Variants in REEP1 observed in about 807,000 individuals in gnomAD.
The protein encoded by REEP1 is receptor accessory protein 1.
REEP1 carries 22 observed loss-of-function variants against 40.3 expected under a neutral mutation model. The ratio of observed to expected loss-of-function variants is 0.55; its 90% CI spans 0.39 to 0.78. REEP1 has a LOEUF of 0.78. REEP1 is among the 30% of genes least tolerant of loss of function. The pLI, the probability that REEP1 is intolerant of heterozygous loss-of-function variation, is 0.00. For synonymous variants in REEP1, 116 were observed against 139.2 expected, an observed-to-expected ratio of 0.83 and a Z score of 1.17; for missense variants, 280 against 361.1, an observed-to-expected ratio of 0.78 and a Z score of 1.82.
At chr2:86,289,292 T>C (rs1678570964) in intron 1 of REEP1, among the ~76,000 whole-genome samples, 1 of 152,206 alleles carries the variant, frequency 6.6e-6, no homozygotes, top group South Asian at 2.1e-4. Flanking sequence ...CCCATCCCAC[T>C]GATTTGCAGT....
chr2:86,245,021 C>T (rs1342941886), intron 5 of REEP1, among the ~76,000 whole-genome samples: 1 of 152,162 alleles, frequency 6.6e-6, no homozygotes, highest in East Asian at 1.9e-4. Flanking sequence ...GGGCAGGCAC[C>T]TGTAATCCCA....
chr2:86,314,617 C>A (rs1378088951), intron 1 of REEP1, among the ~76,000 whole-genome samples: 6 of 151,686 alleles, frequency 4.0e-5, no homozygotes, highest in African/African-American at 1.5e-4. Flanking sequence ...AACGGACCAG[C>A]CAATTCTGCA....
intron 1 of REEP1, among the ~76,000 whole-genome samples, chr2:86,333,841 T>C (rs1680882178): frequency 6.6e-6 from 1 of 152,258 alleles, no homozygotes; most frequent in Non-Finnish European, 1.5e-5. Flanking sequence ...AACCTGGTTC[T>C]GAGTGCTATT....
chr2:86,268,568 T>C (rs187295673), intron 2 of REEP1, among the ~76,000 whole-genome samples: 2 of 152,196 alleles, frequency 1.3e-5, no homozygotes, highest in Non-Finnish European at 2.9e-5. Context: ...ACTTGATCTA[T>C]AGATTCAATG....
chr2:86,297,949 G>A (rs1269461051), intron 1 of REEP1, among the ~76,000 whole-genome samples: 1 of 152,212 alleles, frequency 6.6e-6, no homozygotes, highest in Admixed American at 6.5e-5. Flanking sequence ...AAAAACTTCA[G>A]CACCATATAG....
chr2:86,265,441 T>A (rs917718407), intron 2 of REEP1, among the ~76,000 whole-genome samples: 6 of 152,052 alleles, frequency 3.9e-5, no homozygotes, highest in African/African-American at 1.4e-4. Context: ...TGCCACAGGG[T>A]CAAGGTGATC....
intron 1 of REEP1, among the ~76,000 whole-genome samples, chr2:86,311,800 T>A (rs1679777227): frequency 6.6e-6 from 1 of 152,180 alleles, no homozygotes; most frequent in Non-Finnish European, 1.5e-5. Flanking sequence ...ACACTGAGTA[T>A]CTGTCACCCC....
In REEP1 at chr2:86,307,781, A is replaced by T. The variant is rs138086785; in HGVS notation, c.33-25539T>A. Among the ~76,000 whole-genome samples, 305 of 152,288 alleles carry T rather than the reference A, an allele frequency of 2.0e-3. 11 individuals carry two copies. The East Asian group carries it at 0.026, about 13-fold the overall frequency. On this transcript the variant is annotated intron_variant, in intron 1 of 8. Coordinates refer to ENST00000538924, the MANE Select transcript of REEP1 (RefSeq NM_001371279.1). ...AAATGCTATTTACAAAATGTTTGAAACAGAAGACTTTCTATTACGTTACCA... is the reference window on the plus strand; with the variant it reads ...AAATGCTATTTACAAAATGTTTGAATCAGAAGACTTTCTATTACGTTACCA...
intron 5 of REEP1, among the ~76,000 whole-genome samples, chr2:86,234,037 T>A (rs1459746089): frequency 2.0e-5 from 3 of 152,134 alleles, no homozygotes; most frequent in Non-Finnish European, 4.4e-5. Context: ...TAAGAGGTTT[T>A]CAGGGGTGAG....
chr2:86,258,545 C>T (rs1470935716), intron 3 of REEP1, among the ~76,000 whole-genome samples: 1 of 152,126 alleles, frequency 6.6e-6, no homozygotes, highest in Admixed American at 6.5e-5. Context: ...TGGAGGGGAA[C>T]AGTCCTGCTG....
chr2:86,280,326 C>A (rs1678005606), intron 2 of REEP1, among the ~76,000 whole-genome samples: 1 of 152,232 alleles, frequency 6.6e-6, no homozygotes. Flanking sequence ...CTGCTCTGCT[C>A]ATCAATTATG....
Position 86,265,469 on chromosome 2 carries a change from C to T in REEP1, c.106-1428G>A, listed in dbSNP as rs372129517. On this transcript the variant is annotated intron_variant, in intron 2 of 8. Transcript: ENST00000538924. Reference sequence around the variant, plus strand: ...AGGTGATCTGCCTGAATTTAACTGCCTGCTAGAACAACACTCAACATTCTT... The same window carrying T: ...AGGTGATCTGCCTGAATTTAACTGCTTGCTAGAACAACACTCAACATTCTT... Among the ~76,000 whole-genome samples the T allele has an allele frequency of 2.0e-4, 30 of 152,160 alleles. 4 individuals carry two copies. Among genetic ancestry groups the T allele is most frequent in the East Asian group, 1.9e-3 (10 of 5,180 alleles).
At chr2:86,267,081 A>G (rs1677190227) in intron 2 of REEP1, among the ~76,000 whole-genome samples, 1 of 152,010 alleles carries the variant, frequency 6.6e-6, no homozygotes, top group African/African-American at 2.4e-5. Flanking sequence ...GAATTGCTTG[A>G]GGCCAGGAAT....
intron 5 of REEP1, among the ~76,000 whole-genome samples, chr2:86,236,740 T>C (rs1301966235): frequency 2.6e-5 from 2 of 75,620 alleles, no homozygotes; most frequent in Non-Finnish European, 7.0e-5. Context: ...TTTCATCAAT[T>C]TTTTTTTTTT....
At chr2:86,267,268 GAT>G (rs1677199899) in intron 2 of REEP1, among the ~76,000 whole-genome samples, 1 of 152,262 alleles carries the variant, frequency 6.6e-6, no homozygotes, top group East Asian at 1.9e-4. Context: ...TGGTTCTCAT[GAT>G]GGTGAGTGAG....
chr2:86,225,486 G>C (rs1215245412), intron 7 of REEP1, among the ~76,000 whole-genome samples: 1 of 152,144 alleles, frequency 6.6e-6, no homozygotes, highest in Non-Finnish European at 1.5e-5. Flanking sequence ...CGTCAGGCTG[G>C]TCTCGAACTC....
intron 1 of REEP1, among the ~76,000 whole-genome samples, chr2:86,292,587 C>CAG (rs1489092357): frequency 6.6e-6 from 1 of 152,154 alleles, no homozygotes; most frequent in African/African-American, 2.4e-5. Context: ...ACCTCAGAGC[C>CAG]AGAGACCTGA....
chr2:86,300,889 A>G (rs2886899), intron 1 of REEP1, among the ~76,000 whole-genome samples: 132,730 of 152,022 alleles, frequency 0.87, 58,327 homozygotes, highest in East Asian at 0.95. Flanking sequence ...GGGGCTGGCC[A>G]AGTCCCCTCT....
At chr2:86,264,639 C>G (rs1378472936) in intron 2 of REEP1, among the ~76,000 whole-genome samples, 1 of 152,276 alleles carries the variant, frequency 6.6e-6, no homozygotes, top group South Asian at 2.1e-4. Flanking sequence ...GACTATCACC[C>G]CATTTAAAAT....
Sources: gnomAD v4.1 joint callset for allele counts (sites outside exome capture counted in the v4.1 genomes callset) on GRCh38, gnomAD v4.1.1 for gene constraint, MANE v1.5 for transcripts, NCBI Gene and HGNC (gene_info 2026-07-23, HGNC 2026-07-21) for gene names.